IRF2: variants seen among roughly 807,000 people sequenced by gnomAD.
The protein encoded by IRF2 is interferon regulatory factor 2.
In IRF2, 15 loss-of-function variants were observed where a neutral mutation model predicts 40.6. That is an observed-to-expected ratio of 0.37 (90% CI 0.25 to 0.57). The LOEUF (loss-of-function observed/expected upper bound fraction) is 0.57, where lower values mean the gene tolerates loss of function less well. Among genes scored for constraint, IRF2 ranks in the 20% least tolerant of loss-of-function variants. IRF2 has a pLI of 0.77. For synonymous variants in IRF2, 151 were observed against 165.5 expected, an observed-to-expected ratio of 0.91 and a Z score of 0.67; for missense variants, 317 against 455.7, an observed-to-expected ratio of 0.70 and a Z score of 2.77.
chr4:184,430,993 G>A (rs568933488), intron 1 of IRF2, among the ~76,000 whole-genome samples: 39 of 152,174 alleles, frequency 2.6e-4, no homozygotes, highest in Non-Finnish European at 2.6e-4. Flanking sequence ...CCCATGCTCC[G>A]CCCTCTTCTA....
chr4:184,405,118 C>T lies in IRF2; in HGVS notation c.529+3040G>A, dbSNP rs554296042. The stretch of plus-strand genomic sequence containing the variant: ...AATTACCCAGGCATGGTGGCGCATC[C>T]CTGTAATCCCAGCTACTTGGGAGGC... On this transcript the variant is annotated intron_variant, in intron 6 of 8. Coordinates refer to ENST00000393593, the MANE Select transcript of IRF2 (RefSeq NM_002199.4). Among the ~76,000 whole-genome samples, 3 of 152,292 alleles carry T rather than the reference C, an allele frequency of 2.0e-5. No homozygotes were observed. In the South Asian group the frequency reaches 6.2e-4, roughly 32 times the overall value.
At chr4:184,451,588 G>C (rs888175890) in intron 1 of IRF2, among the ~76,000 whole-genome samples, 3 of 152,264 alleles carry the variant, frequency 2.0e-5, no homozygotes, top group Admixed American at 1.3e-4. Context: ...CCAAAAATGG[G>C]CTTCATCTTC....
Position 184,407,324 on chromosome 4 carries a change from T to C in IRF2, c.529+834A>G, listed in dbSNP as rs1449615223. ...AATAAAAAGGAGTTTTTTCTTCTCC[T>C]TCCCCTTAAAGGGAAAGCAGGCTGA... On this transcript the variant is annotated intron_variant, in intron 6 of 8. Transcript: ENST00000393593. 4 of 1,146,586 alleles carry C rather than the reference T, an allele frequency of 3.5e-6. No homozygotes were observed. In the East Asian group the frequency reaches 2.3e-4, roughly 67 times the overall value. 71.0% of individuals were successfully genotyped at this position (1,146,586 alleles called of 1,614,324 possible). A position where few individuals can be genotyped will look rare whatever the true frequency, so the allele number is the denominator to read the frequency against.
chr4:184,402,335 A>C (rs957415541), intron 6 of IRF2, among the ~76,000 whole-genome samples: 6 of 152,066 alleles, frequency 3.9e-5, no homozygotes, highest in Admixed American at 6.5e-5. Flanking sequence ...TGACTTCTGG[A>C]GCCCCTTCCT....
rs756059607 is a variant in IRF2, at chr4:184,408,236, C to T, written c.451G>A (p.Val151Ile). 6.8e-6 allele frequency: 11 copies of T among 1,613,480 alleles called. No homozygotes were observed. In the South Asian group the frequency reaches 1.2e-4, roughly 18 times the overall value. The part of the protein sequence containing the change: ...VESSLGLSNG[V>I]SDLSPEYAVL... The stretch of plus-strand genomic sequence containing the variant: ...GCATACTCAGGAGAAAGATCACTTA[C>T]TCCATTACTAAGCCCCAGAGATGAC... Residue 151 changes from valine to isoleucine, a missense_variant, in exon 6 of 9, where the codon GTA (valine) becomes ATA (isoleucine). Physicochemically the swap from Val to Ile is conservative, Grantham distance 29. Around this residue, in one of 2 missense-constraint regions of IRF2, gnomAD observed 262 missense variants for 334.0 expected, o/e 0.78. Transcript: ENST00000393593. This position sits in a 1 kb window ranked among gnomAD's most constrained non-coding sequence, Gnocchi z 4.9.
At chr4:184,432,252 T>A (rs889132244) in intron 1 of IRF2, among the ~76,000 whole-genome samples, 3 of 152,226 alleles carry the variant, frequency 2.0e-5, no homozygotes, top group African/African-American at 4.8e-5. Context: ...CTCGGGGACA[T>A]GTGCTGAATT....
intron 1 of IRF2, among the ~76,000 whole-genome samples, chr4:184,466,015 G>A (rs574695966): frequency 1.3e-5 from 2 of 151,700 alleles, no homozygotes; most frequent in Non-Finnish European, 2.9e-5. Context: ...ACCCACTTAT[G>A]GAATTCATAG....
At position 184,390,744 on chromosome 4, in the gene IRF2, C is replaced by G; in HGVS notation, c.700G>C (p.Glu234Gln). The G allele has an allele frequency of 6.2e-7, 1 of 1,614,196 alleles. No homozygotes were observed. The highest frequency in any genetic ancestry group is 8.5e-7 in the Non-Finnish European group (1 of 1,180,032). Residue 234 changes from glutamate (E) to glutamine (Q), a missense_variant, in exon 8 of 9, where the codon GAA becomes CAA. Physicochemically the swap from Glu to Gln is conservative, Grantham distance 29. Coordinates refer to ENST00000393593, the MANE Select transcript of IRF2 (RefSeq NM_002199.4). ...ISPVSSYAES[E>Q]TTDSVPSDEE... ...TCGCTGGGCACACTATCAGTCGTTT[C>G]GCTTTCTGTTCACAGAGAGAAAAAC... is the stretch of plus-strand genomic sequence containing the variant.
At chr4:184,455,871 A>G (rs910325510) in intron 1 of IRF2, among the ~76,000 whole-genome samples, 2 of 152,246 alleles carry the variant, frequency 1.3e-5, no homozygotes, top group Non-Finnish European at 2.9e-5. Flanking sequence ...ACCCCGAGCC[A>G]ACCGCATGAA....
chr4:184,460,663 GCGCACA>G (rs1739105743), intron 1 of IRF2, among the ~76,000 whole-genome samples: 1 of 82,840 alleles, frequency 1.2e-5, no homozygotes, highest in African/African-American at 4.2e-5. Context: ...ACACATGCAC[GCGCACA>G]CACACACACA....
At chr4:184,462,315 A>T (rs946052648) in intron 1 of IRF2, among the ~76,000 whole-genome samples, 33 of 152,172 alleles carry the variant, frequency 2.2e-4, no homozygotes, top group Admixed American at 8.5e-4. Flanking sequence ...TGCTAACATG[A>T]TTCCATGAAG....
At chr4:184,418,988 T>C (rs571655303) in intron 3 of IRF2, among the ~76,000 whole-genome samples, 103 of 152,328 alleles carry the variant, frequency 6.8e-4, no homozygotes, top group Non-Finnish European at 1.2e-3. Context: ...GCTGGAAGAA[T>C]GGAGCATCAG....
intron 5 of IRF2, among the ~76,000 whole-genome samples, chr4:184,411,034 AACACTGTTCT>A (rs950485365): frequency 6.6e-6 from 1 of 151,162 alleles, no homozygotes; most frequent in Non-Finnish European, 1.5e-5. Context: ...CACTCTTTTG[AACACTGTTCT>A]ACTCTCTCTC....
chr4:184,388,206 CGGGATGGGATGGGAT>C lies in IRF2; in HGVS notation c.*537_*551del, dbSNP rs148973928. ...GAGGGAAGGAAAAGTAGGAAAAGAG[CGGGATGGGATGGGAT>C]GGGATGGGATGGGATGGGATGGGAT... On this transcript the variant is annotated 3_prime_UTR_variant, in exon 9 of 9. Coordinates refer to ENST00000393593, the MANE Select transcript of IRF2 (RefSeq NM_002199.4). The surrounding 1 kb of genome is among the most constrained non-coding windows in gnomAD (Gnocchi z 4.6). 9.4e-3 allele frequency: 1,376 copies of C among 146,492 alleles called. 39 individuals are homozygous for C. Among genetic ancestry groups the C allele is most frequent in the East Asian group, 0.084 (415 of 4,930 alleles). The allele number at this position is 146,492 out of a possible 1,614,324, so 9.1% of individuals were successfully genotyped here. A position where few individuals can be genotyped will look rare whatever the true frequency, so the allele number is the denominator to read the frequency against.
chr4:184,465,361 C>T (rs190688486), intron 1 of IRF2, among the ~76,000 whole-genome samples: 8 of 152,266 alleles, frequency 5.3e-5, no homozygotes, highest in Middle Eastern at 3.4e-3. Context: ...CCTAACCTTA[C>T]GTGGACCAGA....
chr4:184,400,397 C>T (rs1483242559), intron 6 of IRF2, among the ~76,000 whole-genome samples: 1 of 152,102 alleles, frequency 6.6e-6, no homozygotes, highest in African/African-American at 2.4e-5. Context: ...TATCAGTCAT[C>T]GGTTCCTTTT....
At chr4:184,390,592 G>T in intron 8 of IRF2, 111 bp downstream of exon 8, 1 of 999,712 alleles carries the variant, frequency 1.0e-6, no homozygotes, top group Non-Finnish European at 1.6e-6. Flanking sequence ...AAATCCCAAA[G>T]TGAAGCTTGT....
chr4:184,461,626 CTGAA>C (rs1441743608), intron 1 of IRF2, among the ~76,000 whole-genome samples: 2 of 152,136 alleles, frequency 1.3e-5, no homozygotes, highest in African/African-American at 4.8e-5. Flanking sequence ...AAATAAATGA[CTGAA>C]TGGATGAATG....
intron 2 of IRF2, among the ~76,000 whole-genome samples, chr4:184,423,659 C>A (rs559531844): frequency 1.3e-5 from 2 of 152,100 alleles, no homozygotes; most frequent in Non-Finnish European, 2.9e-5. Flanking sequence ...CATGGAGCCA[C>A]GAGAGAAACC....
Sources: allele counts gnomAD v4.1 joint callset (sites outside exome capture counted in the v4.1 genomes callset), GRCh38; gene constraint gnomAD v4.1.1; regional missense constraint gnomAD v4.1.1; non-coding constraint Gnocchi (gnomAD v3.1); transcripts MANE v1.5; gene names NCBI Gene and HGNC (gene_info 2026-07-23, HGNC 2026-07-21).